The following HEATR5A variants were observed in gnomAD, a reference collection of about 807,000 sequenced individuals.
HEATR5A encodes the protein HEAT repeat containing 5A.
A neutral mutation model predicts 218.8 loss-of-function variants in HEATR5A; 178 were observed. The observed-to-expected ratio is 0.81, with a 90% CI of 0.72 to 0.92. HEATR5A has a LOEUF of 0.92. Ranked by LOEUF, HEATR5A falls within the 40% of genes least tolerant of loss-of-function variation. HEATR5A has a pLI of 0.00. For missense variants in HEATR5A, 2,420 were observed against 2,418.9 expected, an observed-to-expected ratio of 1.00 and a Z score of -0.01; for synonymous variants, 864 against 871.6, an observed-to-expected ratio of 0.99 and a Z score of 0.15.
chr14:31,392,728 C>G (rs4981842), intron 6 of HEATR5A, among the ~76,000 whole-genome samples: 56,346 of 152,076 alleles, frequency 0.37, 11,080 homozygotes, highest in Non-Finnish European at 0.43. Context: ...CTCCCTGACA[C>G]ATACACAGCC....
intron 9 of HEATR5A, among the ~76,000 whole-genome samples, chr14:31,386,206 G>A (rs2030212636): frequency 6.6e-6 from 1 of 152,070 alleles, no homozygotes; most frequent in African/African-American, 2.4e-5. Context: ...TCTCTAAATG[G>A]GGGGTAGGGT....
chr14:31,371,202 T>C (rs1902024727), intron 13 of HEATR5A, among the ~76,000 whole-genome samples: 1 of 152,248 alleles, frequency 6.6e-6, no homozygotes, highest in African/African-American at 2.4e-5. Flanking sequence ...TATCCTAAAG[T>C]ATTTACTATC....
chr14:31,350,553 T>C lies in HEATR5A; in HGVS notation c.2517+59A>G, dbSNP rs199813715. The C allele has an allele frequency of 5.9e-5, 54 of 921,596 alleles. 1 individual carries two copies. Among genetic ancestry groups the C allele is most frequent in the South Asian group, 4.8e-4 (31 of 65,240 alleles). 57.1% of individuals were successfully genotyped at this position (921,596 alleles called of 1,614,324 possible). On this transcript the variant is annotated intron_variant, in intron 17 of 35. Transcript: ENST00000543095. ...AAACATCATCCTCCGACAAACTTCA[T>C]TGGCTACAAATTTTTTAAAAAATGA...
At chr14:31,366,452 C>T (rs1401605000) in intron 13 of HEATR5A, among the ~76,000 whole-genome samples, 4 of 152,084 alleles carry the variant, frequency 2.6e-5, no homozygotes, top group Non-Finnish European at 5.9e-5. Context: ...AATCCTGCAA[C>T]GTTCACTTAT....
At chr14:31,316,704 G>A (rs933550038) in intron 26 of HEATR5A, among the ~76,000 whole-genome samples, 5 of 152,052 alleles carry the variant, frequency 3.3e-5, no homozygotes, top group African/African-American at 9.7e-5. Context: ...TTTCTCTCTC[G>A]TTTTTTGGGA....
At position 31,347,902 on chromosome 14, in the gene HEATR5A, T is replaced by G. The variant is rs1390340981; in HGVS notation, c.2714A>C (p.Lys905Thr). 2.0e-6 allele frequency: 3 copies of G among 1,492,750 alleles called. No individual in the cohort carries two copies. Among genetic ancestry groups the G allele is most frequent in the Admixed American group, 2.7e-5 (1 of 37,632 alleles). The allele number at this position is 1,492,750 out of a possible 1,614,324, so 92.5% of individuals were successfully genotyped here. A position where few individuals can be genotyped will look rare whatever the true frequency, so the allele number is the denominator to read the frequency against. ...TCTGGTAACCACATCCCTTGCTGAT[T>G]TCAATCTGTAAATATAAAAATAAAA... ...GLAQVSFDKL[K>T]SARDVVTRTG... Residue 905 changes from lysine (K) to threonine (T), a missense_variant, in exon 19 of 36, where the codon AAA (lysine) becomes ACA (threonine). Lys to Thr is a moderately conservative substitution (Grantham distance 78). Coordinates refer to ENST00000543095, the MANE Select transcript of HEATR5A (RefSeq NM_015473.4).
chr14:31,401,129 G>A (rs1171439151), intron 2 of HEATR5A, among the ~76,000 whole-genome samples: 1 of 152,032 alleles, frequency 6.6e-6, no homozygotes, highest in African/African-American at 2.4e-5. Flanking sequence ...GTTAGCCACC[G>A]CGTATTATTA....
At chr14:31,412,892 T>C (rs2031326371) in intron 1 of HEATR5A, among the ~76,000 whole-genome samples, 1 of 152,178 alleles carries the variant, frequency 6.6e-6, no homozygotes, top group Non-Finnish European at 1.5e-5. Context: ...ATTTGTGTTA[T>C]TCTATAATTG....
intron 22 of HEATR5A, among the ~76,000 whole-genome samples, chr14:31,330,867 A>T (rs1900443026): frequency 1.3e-5 from 2 of 151,796 alleles, no homozygotes; most frequent in Admixed American, 1.3e-4. Flanking sequence ...CTCCCCAGAA[A>T]ATGGGGTTTT....
At chr14:31,394,957 T>C (rs1776082068) in intron 5 of HEATR5A, among the ~76,000 whole-genome samples, 1 of 152,180 alleles carries the variant, frequency 6.6e-6, no homozygotes, top group South Asian at 2.1e-4. Flanking sequence ...GAAAACATAG[T>C]AGAGTAGAAT....
chr14:31,335,676 C>A (rs192912275), intron 22 of HEATR5A, among the ~76,000 whole-genome samples: 1 of 152,182 alleles, frequency 6.6e-6, no homozygotes, highest in Non-Finnish European at 1.5e-5. Context: ...TTTTTTGACA[C>A]AGATTCTCGC....
chr14:31,301,804 CTTTCTTTT>C lies in HEATR5A; in HGVS notation c.5464+483_5464+490del, dbSNP rs1169348817. ...CACCGTGCCTGGCCCCAGAACACAG[CTTTCTTTT>C]TTTTTTTTTTTTTTTTTTTTTTTGA... On this transcript the variant is annotated intron_variant, in intron 33 of 35. Transcript: ENST00000543095. Among the ~76,000 whole-genome samples the C allele has an allele frequency of 7.0e-5, 7 of 99,822 alleles. No homozygotes were observed. In the South Asian group the frequency reaches 1.9e-3, roughly 28 times the overall value. 65.5% of individuals were successfully genotyped at this position (99,822 alleles called of 152,430 possible).
At position 31,329,193 on chromosome 14, in the gene HEATR5A, C is replaced by G. The variant is rs960986587; in HGVS notation, c.3368-2851G>C. On this transcript the variant is annotated intron_variant, in intron 22 of 35. Coordinates refer to ENST00000543095, the MANE Select transcript of HEATR5A (RefSeq NM_015473.4). The stretch of plus-strand genomic sequence containing the variant: ...TGAGACTTGGGTGGTGACACAAAGC[C>G]AAGCCATATCATTCCACCCCTGGCC... Among the ~76,000 whole-genome samples the G allele has an allele frequency of 3.9e-5, 6 of 152,118 alleles. No individual in the cohort carries two copies. The East Asian group carries it at 1.2e-3, about 29-fold the overall frequency.
chr14:31,406,696 G>C (rs1050522464), intron 1 of HEATR5A, among the ~76,000 whole-genome samples: 1 of 152,082 alleles, frequency 6.6e-6, no homozygotes, highest in Non-Finnish European at 1.5e-5. Context: ...AGTGGCTCAC[G>C]CTCATAATCC....
At chr14:31,359,277 A>C (rs1232713463) in intron 14 of HEATR5A, among the ~76,000 whole-genome samples, 3 of 76,810 alleles carry the variant, frequency 3.9e-5, no homozygotes, top group Non-Finnish European at 2.7e-5. Flanking sequence ...AGAACATCTC[A>C]AAGTGTAAGA....
rs1899647488 is a variant in HEATR5A at position 31,308,960 on chromosome 14, T to C, written c.4664A>G (p.Tyr1555Cys). The change falls in exon 29 of 36, where the codon TAC becomes TGC. Residue 1555 changes from tyrosine (Y) to cysteine (C), a missense_variant. Transcript: ENST00000543095. ...GATIKSPEDV[Y>C]TDRFHLILGI... ...TAAAATAAGATGGAATCTATCAGTG[T>C]AGACATCCTCAGGGGACTTTATGGT... The C allele has an allele frequency of 4.3e-6, 7 of 1,613,534 alleles. No homozygotes were observed. Among genetic ancestry groups the C allele is most frequent in the African/African-American group, 1.3e-5 (1 of 74,844 alleles).
At chr14:31,396,884 T>A (rs371128000) in intron 4 of HEATR5A, among the ~76,000 whole-genome samples, 2 of 152,176 alleles carry the variant, frequency 1.3e-5, no homozygotes, top group African/African-American at 4.8e-5. Context: ...TATAGAGTAA[T>A]CCTCTATTAA....
rs376472595 is a variant in HEATR5A at position 31,347,845 on chromosome 14, T to C, written c.2771A>G (p.His924Arg). The C allele has an allele frequency of 2.5e-6, 4 of 1,594,600 alleles. No homozygotes were observed. Among genetic ancestry groups the C allele is most frequent in the African/African-American group, 1.3e-5 (1 of 74,512 alleles). ...TGHSLALGSL[H>R]RYLGGISSSQ... Reference sequence around the variant, plus strand: ...AGAACTTATTCCTCCTAAATACCTATGTAGGGACCCCAAGGCCAATGAGTG... The same window carrying C: ...AGAACTTATTCCTCCTAAATACCTACGTAGGGACCCCAAGGCCAATGAGTG... Residue 924 changes from histidine to arginine, a missense_variant, in exon 19 of 36, where the codon CAT becomes CGT. By Grantham distance (29) the His-to-Arg change is conservative. Coordinates refer to ENST00000543095, the MANE Select transcript of HEATR5A (RefSeq NM_015473.4).
At chr14:31,387,039 GTAT>G in intron 8 of HEATR5A, 78 bp downstream of exon 8, 1 of 1,333,264 alleles carries the variant, frequency 7.5e-7, no homozygotes, top group Non-Finnish European at 1.0e-6. Context: ...TATTAATATA[GTAT>G]TATATATCAG....
Sources: allele counts gnomAD v4.1 joint callset (sites outside exome capture counted in the v4.1 genomes callset), GRCh38; gene constraint gnomAD v4.1.1; transcripts MANE v1.5; gene names NCBI Gene and HGNC (gene_info 2026-07-23, HGNC 2026-07-21).